OSBPL8: variants seen among roughly 807,000 people sequenced by gnomAD.
OSBPL8 encodes the protein oxysterol-binding protein-related protein 8.
In OSBPL8, 59 loss-of-function variants were observed where a neutral mutation model predicts 125.5. The observed-to-expected ratio is 0.47, with a 90% CI of 0.38 to 0.58. The LOEUF (loss-of-function observed/expected upper bound fraction) is 0.58, where lower values mean the gene tolerates loss of function less well. OSBPL8 is among the 20% of genes least tolerant of loss of function. OSBPL8 has a pLI of 0.00. For synonymous variants in OSBPL8, 330 were observed against 338.9 expected (o/e 0.97, Z 0.29); for missense variants, 758 against 1,047.8 (o/e 0.72, Z 3.82).
At chr12:76,497,311 T>C (rs1565945478) in intron 1 of OSBPL8, among the ~76,000 whole-genome samples, 1 of 151,814 alleles carries the variant, frequency 6.6e-6, no homozygotes, top group African/African-American at 2.4e-5. Flanking sequence ...AAAGCAACCA[T>C]AGAAAAATGA....
intron 22 of OSBPL8, among the ~76,000 whole-genome samples, chr12:76,358,173 T>C (rs1216670110): frequency 8.1e-6 from 1 of 124,020 alleles, no homozygotes; most frequent in Non-Finnish European, 1.7e-5. Flanking sequence ...TAGAGTGTGG[T>C]TCTTTTTTTT....
chr12:76,478,302 T>TA (rs2049828224), intron 2 of OSBPL8, among the ~76,000 whole-genome samples: 2 of 151,826 alleles, frequency 1.3e-5, no homozygotes, highest in African/African-American at 4.8e-5. Context: ...CTCATGAGGA[T>TA]AAAAAAGACA....
chr12:76,451,137 C>A (rs947032608), intron 3 of OSBPL8, 149 bp from the exon 4 acceptor site: 3 of 877,644 alleles, frequency 3.4e-6, no homozygotes, highest in African/African-American at 1.7e-5. Context: ...TTCTCACAGT[C>A]ATCTTGTTTT....
intron 4 of OSBPL8, chr12:76,423,319 T>A (rs1869739527): frequency 6.6e-6 from 1 of 152,096 alleles, no homozygotes; most frequent in Admixed American, 6.6e-5. Context: ...GATATATGAG[T>A]CATTAAGACA....
chr12:76,366,389 T>A (rs1487507749), intron 21 of OSBPL8, among the ~76,000 whole-genome samples: 1 of 152,206 alleles, frequency 6.6e-6, no homozygotes, highest in East Asian at 1.9e-4. Flanking sequence ...GGTAGTAACA[T>A]CCCCACTTTA....
intron 1 of OSBPL8, among the ~76,000 whole-genome samples, chr12:76,541,463 G>A (rs918487021): frequency 6.7e-6 from 1 of 148,532 alleles, no homozygotes; most frequent in Non-Finnish European, 1.5e-5. Flanking sequence ...GGGTGACACA[G>A]AGCAAGACTG....
rs889893398 is a variant in OSBPL8 at position 76,520,749 on chromosome 12, C to T, written c.-67-33131G>A. Among the ~76,000 whole-genome samples the T allele has an allele frequency of 5.3e-5, 8 of 151,520 alleles. No homozygotes were observed. In the South Asian group the frequency reaches 6.2e-4, roughly 12 times the overall value. On this transcript the variant is annotated intron_variant, in intron 1 of 23. Coordinates refer to ENST00000261183, the MANE Select transcript of OSBPL8 (RefSeq NM_020841.5). ...ATGGGGAAAGAAAGGTGTGACAAGACGGAGGAATGAAAGAAAAAAAAATTA... is the reference window on the plus strand; with the variant it reads ...ATGGGGAAAGAAAGGTGTGACAAGATGGAGGAATGAAAGAAAAAAAAATTA...
intron 2 of OSBPL8, among the ~76,000 whole-genome samples, chr12:76,473,474 C>T (rs1373460123): frequency 2.6e-5 from 4 of 152,040 alleles, no homozygotes; most frequent in Non-Finnish European, 4.4e-5. Flanking sequence ...TGGTTTTCAA[C>T]CTTAGATGCA....
rs148765430 is a variant in OSBPL8, at chr12:76,418,931, AC to A, written c.218-8298del. 8.3e-3 allele frequency among the ~76,000 whole-genome samples: 1,268 copies of A among 152,052 alleles called. 8 individuals carry two copies. Among genetic ancestry groups the A allele is most frequent in the Non-Finnish European group, 0.012 (785 of 67,942 alleles). On this transcript the variant is annotated intron_variant, in intron 4 of 23. Coordinates refer to ENST00000261183, the MANE Select transcript of OSBPL8 (RefSeq NM_020841.5). ...TCAATTAAGAAATAATAATGGATTC[AC>A]CTCTTATAAATATAAATATTAGGCT... is the stretch of plus-strand genomic sequence containing the variant.
At chr12:76,441,498 A>G (rs1206901953) in intron 4 of OSBPL8, among the ~76,000 whole-genome samples, 1 of 152,152 alleles carries the variant, frequency 6.6e-6, no homozygotes, top group Admixed American at 6.5e-5. Flanking sequence ...GGTAAGAAAA[A>G]CAAAATTGTA....
chr12:76,361,089 T>C (rs1158498585), intron 21 of OSBPL8, among the ~76,000 whole-genome samples: 1 of 152,232 alleles, frequency 6.6e-6, no homozygotes, highest in Non-Finnish European at 1.5e-5. Context: ...TTCTACTGCA[T>C]CGTCAGGCTG....
intron 1 of OSBPL8, among the ~76,000 whole-genome samples, chr12:76,524,539 C>G (rs933028868): frequency 6.6e-6 from 1 of 152,000 alleles, no homozygotes; most frequent in Admixed American, 6.6e-5. Flanking sequence ...GAAAGTGTTG[C>G]TTTTGTTTTA....
At chr12:76,356,162 T>TGGGGGGGTGGTAGGGGGGGGG (rs1951977503) in intron 23 of OSBPL8, 141 bp from the exon 24 acceptor site, 1 of 131,834 alleles carries the variant, frequency 7.6e-6, no homozygotes. Context: ...TATGTAGGGG[T>TGGGGGGGTGGTAGGGGGGGGG]GGGGGGGGGC....
intron 8 of OSBPL8, 56 bp from the exon 9 acceptor site, chr12:76,394,785 T>G: frequency 8.4e-7 from 1 of 1,192,654 alleles, no homozygotes; most frequent in Non-Finnish European, 1.2e-6. Flanking sequence ...TGAGATCTCA[T>G]CTTTACACTA....
intron 2 of OSBPL8, among the ~76,000 whole-genome samples, chr12:76,473,888 T>G (rs773461038): frequency 7.2e-5 from 11 of 152,234 alleles, no homozygotes; most frequent in Non-Finnish European, 1.2e-4. Flanking sequence ...ATCCTTGTAA[T>G]TCTATCTATC....
intron 1 of OSBPL8, among the ~76,000 whole-genome samples, chr12:76,554,356 C>T (rs1314320500): frequency 1.3e-5 from 2 of 152,110 alleles, no homozygotes; most frequent in African/African-American, 2.4e-5. Context: ...TCAAGAGGAG[C>T]AACTGCAAAT....
At chr12:76,498,862 G>T (rs953661003) in intron 1 of OSBPL8, among the ~76,000 whole-genome samples, 1 of 151,324 alleles carries the variant, frequency 6.6e-6, no homozygotes, top group Non-Finnish European at 1.5e-5. Flanking sequence ...TGGGACTACA[G>T]GCACACACCA....
At chr12:76,519,397 A>G (rs1592840063) in intron 1 of OSBPL8, among the ~76,000 whole-genome samples, 1 of 152,118 alleles carries the variant, frequency 6.6e-6, no homozygotes, top group East Asian at 1.9e-4. Context: ...TTTTGGTCAC[A>G]ACCGTTTATC....
intron 4 of OSBPL8, among the ~76,000 whole-genome samples, chr12:76,426,478 A>G (rs913048890): frequency 6.6e-6 from 1 of 152,174 alleles, no homozygotes; most frequent in African/African-American, 2.4e-5. Flanking sequence ...TGATGGTAAC[A>G]TTACCAGAAA....
Sources: allele counts gnomAD v4.1 joint callset (sites outside exome capture counted in the v4.1 genomes callset), GRCh38; gene constraint gnomAD v4.1.1; transcripts MANE v1.5; gene names NCBI Gene and HGNC (gene_info 2026-07-23, HGNC 2026-07-21).